Variants in RNF220 observed in about 807,000 individuals in gnomAD.
RNF220 encodes the protein ring finger protein 220, also known as E3 ubiquitin-protein ligase RNF220.
Under a neutral mutation model 67.1 loss-of-function variants are expected in RNF220, and 7 were observed. The observed-to-expected ratio is 0.10, with a 90% CI of 0.06 to 0.20. The LOEUF (loss-of-function observed/expected upper bound fraction) is 0.20, where lower values mean the gene tolerates loss of function less well. RNF220 is among the 10% of genes least tolerant of loss of function. The pLI is 1.00. For synonymous variants in RNF220, 270 were observed against 283.2 expected, an observed-to-expected ratio of 0.95 and a Z score of 0.47; for missense variants, 565 against 740.3, an observed-to-expected ratio of 0.76 and a Z score of 2.75.
rs372337653 is a variant in RNF220, at chr1:44,650,204, C to G, written c.1629+247C>G. 1 of 577,380 alleles carries G rather than the reference C, an allele frequency of 1.7e-6. No individual in the cohort carries two copies. Among genetic ancestry groups the G allele is most frequent in the South Asian group, 2.0e-5 (1 of 49,362 alleles). The allele number at this position is 577,380 out of a possible 1,614,324, so 35.8% of individuals were successfully genotyped here. On this transcript the variant is annotated intron_variant, in intron 14 of 14. Coordinates refer to ENST00000361799, the MANE Select transcript of RNF220 (RefSeq NM_018150.4). This position sits in a 1 kb window ranked among gnomAD's most constrained non-coding sequence, Gnocchi z 4.3. ...ATTCTCCCTTCCCCGCCCCGGTCCC[C>G]GAAGGCCCACTGCATCACACAGACT...
chr1:44,481,556 G>T (rs1655813372), intron 2 of RNF220, among the ~76,000 whole-genome samples: 1 of 152,138 alleles, frequency 6.6e-6, no homozygotes, highest in South Asian at 2.1e-4. Flanking sequence ...GGTTGAGCGG[G>T]GGGTACTTAG....
Position 44,626,404 on chromosome 1 carries a change from GA to G in RNF220, c.906+7del. The G allele has an allele frequency of 1.2e-6, 2 of 1,610,566 alleles. No homozygotes were observed. Among genetic ancestry groups the G allele is most frequent in the Non-Finnish European group, 1.7e-6 (2 of 1,176,880 alleles). ...ACCATTCAGACAGATACCAGGTGAG[GA>G]GGGGTGGTGAGTGGCCATGAGAAGC... On this transcript the variant is annotated splice_region_variant and intron_variant, in intron 5 of 14. Coordinates refer to ENST00000361799, the MANE Select transcript of RNF220 (RefSeq NM_018150.4).
At chr1:44,447,247 G>A (rs549118055) in intron 2 of RNF220, among the ~76,000 whole-genome samples, 5 of 152,198 alleles carry the variant, frequency 3.3e-5, no homozygotes, top group Admixed American at 6.5e-5. Context: ...GATTCATATA[G>A]CAGTTCAGTC....
At chr1:44,538,996 G>A (rs146832942) in intron 2 of RNF220, among the ~76,000 whole-genome samples, 1,783 of 151,176 alleles carry the variant, frequency 0.012, 33 homozygotes, top group African/African-American at 0.04. Context: ...CCAGGTGGGC[G>A]GATCACCTGA....
chr1:44,485,692 T>TA (rs1412535615), intron 2 of RNF220, among the ~76,000 whole-genome samples: 3 of 152,200 alleles, frequency 2.0e-5, no homozygotes, highest in Non-Finnish European at 4.4e-5. Context: ...GCTTCTGTGA[T>TA]AAATTAATTG....
intron 2 of RNF220, among the ~76,000 whole-genome samples, chr1:44,504,148 G>A (rs765847558): frequency 2.0e-5 from 3 of 152,034 alleles, no homozygotes; most frequent in Non-Finnish European, 4.4e-5. Flanking sequence ...GTGCCCGGCC[G>A]CCATCCGTGT....
intron 2 of RNF220, among the ~76,000 whole-genome samples, chr1:44,555,045 A>G (rs538658765): frequency 1.3e-5 from 2 of 152,114 alleles, no homozygotes; most frequent in South Asian, 2.1e-4. Flanking sequence ...TGCCTATAGG[A>G]TCAACTCCAG....
chr1:44,469,424 C>T, intron 2 of RNF220, among the ~76,000 whole-genome samples: 1 of 136,570 alleles, frequency 7.3e-6, no homozygotes, highest in East Asian at 2.1e-4. Context: ...AATAGAAGTT[C>T]ACCTAGAAAG....
chr1:44,466,661 C>T (rs182238336), intron 2 of RNF220, among the ~76,000 whole-genome samples: 2 of 152,334 alleles, frequency 1.3e-5, no homozygotes, highest in East Asian at 1.9e-4. Flanking sequence ...TATTCTTGTA[C>T]ATCTCCATCA....
chr1:44,562,317 G>A (rs545820200), intron 2 of RNF220, among the ~76,000 whole-genome samples: 5 of 152,278 alleles, frequency 3.3e-5, no homozygotes, highest in South Asian at 4.1e-4. Context: ...GGAGCAGTGC[G>A]GGGAATCCAG....
rs1647252888 is a variant in RNF220 at position 44,405,570 on chromosome 1, C to A, written c.-118+40C>A. 1.7e-5 allele frequency: 6 copies of A among 345,546 alleles called. No homozygotes were observed. In the South Asian group the frequency reaches 3.2e-4, roughly 19 times the overall value. The allele number at this position is 345,546 out of a possible 1,614,324, so 21.4% of individuals were successfully genotyped here. ...AAGGGGTGTGGACGTGTGTGCGTAC[C>A]CAAGAGGGGTGGGTGCGAGGGCGGC... On this transcript the variant is annotated intron_variant, in intron 1 of 14. Transcript: ENST00000361799.
In RNF220 at chr1:44,579,210, C is replaced by A. The variant is rs539737221; in HGVS notation, c.626-34955C>A. The stretch of plus-strand genomic sequence containing the variant: ...AAAATCATGCAATCTTCATAACAAC[C>A]AAGAGATGGGTAGACTAACTGCATA... On this transcript the variant is annotated intron_variant, in intron 2 of 14. Transcript: ENST00000361799. Among the ~76,000 whole-genome samples, 118 of 151,778 alleles carry A rather than the reference C, an allele frequency of 7.8e-4. 4 individuals carry two copies. The South Asian group carries it at 0.022, about 28-fold the overall frequency.
At chr1:44,480,811 G>A (rs543255285) in intron 2 of RNF220, among the ~76,000 whole-genome samples, 1 of 152,154 alleles carries the variant, frequency 6.6e-6, no homozygotes, top group Non-Finnish European at 1.5e-5. Flanking sequence ...GCTGGAACGT[G>A]GGAGGCAGAG....
At chr1:44,454,693 C>T (rs1202340424) in intron 2 of RNF220, among the ~76,000 whole-genome samples, 1 of 150,198 alleles carries the variant, frequency 6.7e-6, no homozygotes, top group African/African-American at 2.4e-5. Context: ...AGGTATAATT[C>T]ATATATAGTA....
At chr1:44,503,531 A>G (rs1199643906) in intron 2 of RNF220, among the ~76,000 whole-genome samples, 2 of 152,016 alleles carry the variant, frequency 1.3e-5, no homozygotes, top group East Asian at 3.9e-4. Flanking sequence ...ACCACATTAA[A>G]AGTATTTTGC....
intron 2 of RNF220, chr1:44,423,913 C>G: frequency 1.0e-6 from 1 of 985,422 alleles, no homozygotes; most frequent in Non-Finnish European, 1.2e-6. Context: ...GTTGTTCTAG[C>G]CTGGCACACG....
intron 2 of RNF220, among the ~76,000 whole-genome samples, chr1:44,454,240 T>C (rs1336950003): frequency 6.6e-6 from 1 of 152,198 alleles, no homozygotes; most frequent in Non-Finnish European, 1.5e-5. Context: ...AACTCATCTG[T>C]AAATTATTTG....
chr1:44,500,806 A>G (rs1657776335), intron 2 of RNF220, among the ~76,000 whole-genome samples: 1 of 150,230 alleles, frequency 6.7e-6, no homozygotes, highest in African/African-American at 2.4e-5. Context: ...GAGAGGAGGG[A>G]GGGAGGAGCT....
intron 2 of RNF220, among the ~76,000 whole-genome samples, chr1:44,498,274 G>A (rs866962576): frequency 6.6e-5 from 10 of 152,104 alleles, no homozygotes; most frequent in South Asian, 2.1e-4. Context: ...TGATAATACC[G>A]TCCTACCCCA....
Sources: gnomAD v4.1 joint callset for allele counts (sites outside exome capture counted in the v4.1 genomes callset) on GRCh38, gnomAD v4.1.1 for gene constraint, Gnocchi (gnomAD v3.1) non-coding constraint, MANE v1.5 for transcripts, NCBI Gene and HGNC (gene_info 2026-07-23, HGNC 2026-07-21) for gene names.